The following BRD10 variants were observed in gnomAD, a reference collection of about 807,000 sequenced individuals.
BRD10 encodes uncharacterized bromodomain-containing protein 10.
the BRD10 span, among the ~76,000 whole-genome samples, chr9:5,938,825 C>T: frequency 2.0e-5 from 3 of 152,102 alleles, no homozygotes; most frequent in Admixed American, 6.6e-5. Flanking sequence ...AAAAATATAT[C>T]GTACACATGA....
chr9:5,937,072 A>C, the BRD10 span, among the ~76,000 whole-genome samples: 9 of 151,896 alleles, frequency 5.9e-5, no homozygotes, highest in East Asian at 1.7e-3. Context: ...TCTATTAAAA[A>C]TACAAAAATA....
At chr9:5,926,345 T>C in the BRD10 span, among the ~76,000 whole-genome samples, 1 of 152,092 alleles carries the variant, frequency 6.6e-6, no homozygotes, top group Non-Finnish European at 1.5e-5. Flanking sequence ...TCTCGCTTTG[T>C]CGCCAGGCTG....
At chr9:5,885,551 T>G in the BRD10 span, among the ~76,000 whole-genome samples, 1 of 152,102 alleles carries the variant, frequency 6.6e-6, no homozygotes, top group African/African-American at 2.4e-5. Context: ...TTTTGTATTT[T>G]TAGTAGAGAC....
chr9:5,914,410 GTTTTTTTTTTTTTT>G, the BRD10 span, among the ~76,000 whole-genome samples: 17 of 75,488 alleles, frequency 2.3e-4, no homozygotes, highest in African/African-American at 5.3e-4. Context: ...AATCCAGATG[GTTTTTTTTTTTTTT>G]TTTTTTTTTT....
chr9:5,963,676 A>T, the BRD10 span, among the ~76,000 whole-genome samples: 1 of 152,214 alleles, frequency 6.6e-6, no homozygotes. Context: ...TACAGTAACC[A>T]AAACAGCATG....
chr9:5,892,682 C>T, the BRD10 span: 5 of 682,374 alleles, frequency 7.3e-6, no homozygotes, highest in African/African-American at 7.4e-5. Flanking sequence ...ACATCCCTGG[C>T]AACAAGGGGA....
At chr9:5,890,266 CAAAT>C in the BRD10 span, among the ~76,000 whole-genome samples, 1 of 152,156 alleles carries the variant, frequency 6.6e-6, no homozygotes, top group Non-Finnish European at 1.5e-5. Context: ...ATGAGAAAAA[CAAAT>C]GTGGATTTCA....
chr9:6,005,137 C>T, the BRD10 span, among the ~76,000 whole-genome samples: 1 of 152,164 alleles, frequency 6.6e-6, no homozygotes, highest in African/African-American at 2.4e-5. Flanking sequence ...TGAGCATTAA[C>T]GACTGAGAAT....
At chr9:5,995,876 G>A in the BRD10 span, among the ~76,000 whole-genome samples, 1 of 152,180 alleles carries the variant, frequency 6.6e-6, no homozygotes, top group Admixed American at 6.5e-5. Flanking sequence ...TTGTACATAT[G>A]GAATTAAAAG....
At chr9:5,988,568 C>A in the BRD10 span, 1 of 1,581,378 alleles carries the variant, frequency 6.3e-7, no homozygotes, top group South Asian at 1.1e-5. Flanking sequence ...TAAGTCAATT[C>A]ACAAGGTCAA....
the BRD10 span, chr9:5,988,640 C>T: frequency 1.2e-6 from 1 of 860,204 alleles, no homozygotes; most frequent in Non-Finnish European, 1.8e-6. Flanking sequence ...TTGCTAAATA[C>T]ATAAAAGTAT....
chr9:6,001,320 C>A, the BRD10 span, among the ~76,000 whole-genome samples: 1 of 130,128 alleles, frequency 7.7e-6, no homozygotes, highest in Non-Finnish European at 1.7e-5. Flanking sequence ...CACGTTACTC[C>A]CTTAGTCGCA....
chr9:5,990,871 C>G, the BRD10 span, among the ~76,000 whole-genome samples: 1 of 152,164 alleles, frequency 6.6e-6, no homozygotes, highest in African/African-American at 2.4e-5. Context: ...ACCCACCATG[C>G]TTCTCGGAAT....
At chr9:5,953,921 C>A in the BRD10 span, 2 of 726,634 alleles carry the variant, frequency 2.8e-6, no homozygotes, top group Non-Finnish European at 4.8e-6. Flanking sequence ...AGTAAGTGTG[C>A]TACAGTTTCT....
the BRD10 span, among the ~76,000 whole-genome samples, chr9:5,927,383 T>G: frequency 5.9e-5 from 9 of 152,194 alleles, no homozygotes; most frequent in Non-Finnish European, 1.3e-4. Flanking sequence ...GTCTACTAAA[T>G]CATTTCCATC....
At chr9:5,889,656 G>A in the BRD10 span, among the ~76,000 whole-genome samples, 2 of 151,994 alleles carry the variant, frequency 1.3e-5, no homozygotes, top group Non-Finnish European at 2.9e-5. Flanking sequence ...GTGGTGGCGT[G>A]CACCTGTAGT....
At chr9:5,968,040 T>G in the BRD10 span, 2 of 1,526,056 alleles carry the variant, frequency 1.3e-6, no homozygotes, top group Non-Finnish European at 1.8e-6. Flanking sequence ...TTCTTGTGTT[T>G]TGCTTTTTTT....
the BRD10 span, among the ~76,000 whole-genome samples, chr9:5,939,376 T>C: frequency 6.6e-6 from 1 of 152,220 alleles, no homozygotes; most frequent in Non-Finnish European, 1.5e-5. Flanking sequence ...GTTAAGAACA[T>C]ATCACATCAT....
chr9:5,972,992 A>G, the BRD10 span, among the ~76,000 whole-genome samples: 1 of 152,230 alleles, frequency 6.6e-6, no homozygotes, highest in Middle Eastern at 3.2e-3. Flanking sequence ...ACTGAAAAAC[A>G]CAATCTAAAG....
Sources: allele counts gnomAD v4.1 joint callset (sites outside exome capture counted in the v4.1 genomes callset), GRCh38; gene constraint gnomAD v4.1.1; transcripts MANE v1.5; gene names NCBI Gene and HGNC (gene_info 2026-07-23, HGNC 2026-07-21).